Variants in TFCP2L1 observed in about 807,000 individuals in gnomAD.
TFCP2L1 encodes the protein transcription factor CP2 like 1.
Under a neutral mutation model 72.2 loss-of-function variants are expected in TFCP2L1, and 12 were observed. That is an observed-to-expected ratio of 0.17 (90% CI 0.11 to 0.27). The LOEUF (loss-of-function observed/expected upper bound fraction) is 0.27, where lower values mean the gene tolerates loss of function less well. Ranked by LOEUF, TFCP2L1 falls within the 10% of genes least tolerant of loss-of-function variation. TFCP2L1 has a pLI of 1.00. For synonymous variants in TFCP2L1, 260 were observed against 251.0 expected, an observed-to-expected ratio of 1.04 and a Z score of -0.34; for missense variants, 488 against 624.6, an observed-to-expected ratio of 0.78 and a Z score of 2.33.
chr2:121,228,727 G>A (rs1381487051), intron 13 of TFCP2L1, among the ~76,000 whole-genome samples: 2 of 137,156 alleles, frequency 1.5e-5, no homozygotes, highest in Non-Finnish European at 3.1e-5. Context: ...GCTGTGACTG[G>A]GCCACTGCAC....
At chr2:121,280,637 T>C (rs1191024637) in intron 2 of TFCP2L1, among the ~76,000 whole-genome samples, 1 of 151,886 alleles carries the variant, frequency 6.6e-6, no homozygotes, top group Admixed American at 6.6e-5. Flanking sequence ...GGTCTACACC[T>C]GTGATCCCAG....
chr2:121,239,718 A>G (rs1379967302), intron 7 of TFCP2L1, 69 bp from the exon 8 acceptor site: 5 of 1,465,496 alleles, frequency 3.4e-6, no homozygotes, highest in Non-Finnish European at 4.7e-6. Flanking sequence ...AGGTCCTCCC[A>G]AGCAGGCATG....
At chr2:121,284,846 C>T (rs1687334301) in intron 1 of TFCP2L1, among the ~76,000 whole-genome samples, 1 of 152,138 alleles carries the variant, frequency 6.6e-6, no homozygotes, top group Non-Finnish European at 1.5e-5. Context: ...CCAGCGGGCC[C>T]CCAACTCCGC....
intron 2 of TFCP2L1, among the ~76,000 whole-genome samples, chr2:121,269,918 A>AAAAAAAAAT: frequency 6.1e-5 from 7 of 115,176 alleles, no homozygotes; most frequent in South Asian, 3.1e-4. Flanking sequence ...AAAAAAAAAA[A>AAAAAAAAAT]ATATATATAT....
At chr2:121,246,618 C>G (rs948277217) in intron 6 of TFCP2L1, among the ~76,000 whole-genome samples, 200 bp downstream of exon 6, 1 of 152,196 alleles carries the variant, frequency 6.6e-6, no homozygotes, top group Non-Finnish European at 1.5e-5. Context: ...TGAAAAGATG[C>G]CCCCAGCAGG....
At chr2:121,242,328 G>C (rs772006634) in intron 7 of TFCP2L1, 31 bp downstream of exon 7, 4 of 1,591,408 alleles carry the variant, frequency 2.5e-6, no homozygotes, top group Non-Finnish European at 3.4e-6. Context: ...AAGACCCTTG[G>C]AGGCTCTGTC....
chr2:121,231,726 T>A, intron 13 of TFCP2L1, 100 bp downstream of exon 13: 1 of 1,514,344 alleles, frequency 6.6e-7, no homozygotes. Context: ...TGAACCTGTC[T>A]GTCACTCCCA....
chr2:121,225,569 T>C lies in TFCP2L1; in HGVS notation c.1386A>G (p.Thr462=). Residue 462 remains threonine (T), a synonymous_variant, in exon 14 of 15, where the codon ACA becomes ACG. Coordinates refer to ENST00000263707, the MANE Select transcript of TFCP2L1 (RefSeq NM_014553.3). ...GGGAGGGGGAGGCTTCACCTTTAAT[T>C]GTGCTGAGGACAAAACAGGATTCAT... ...FQDESCFVLS[T]IKAESNDGYH... The C allele has an allele frequency of 6.2e-7, 1 of 1,614,118 alleles. No homozygotes were observed. Among genetic ancestry groups the C allele is most frequent in the Non-Finnish European group, 8.5e-7 (1 of 1,180,036 alleles).
At chr2:121,284,881 C>G (rs1432688296) in intron 1 of TFCP2L1, among the ~76,000 whole-genome samples, 167 bp downstream of exon 1, 2 of 152,124 alleles carry the variant, frequency 1.3e-5, no homozygotes, top group African/African-American at 2.4e-5. Flanking sequence ...CGGCGTCCAT[C>G]TGTCAGTCCC....
chr2:121,232,844 C>A (rs10167951), intron 12 of TFCP2L1, among the ~76,000 whole-genome samples: 7 of 152,056 alleles, frequency 4.6e-5, no homozygotes, highest in Non-Finnish European at 2.9e-5. Context: ...GACACAGAGA[C>A]GGCCTGCACC....
In TFCP2L1 at chr2:121,285,159, CG is replaced by C; in HGVS notation, c.-51del. 2.8e-6 allele frequency: 4 copies of C among 1,410,640 alleles called. No homozygotes were observed. Among genetic ancestry groups the C allele is most frequent in the Non-Finnish European group, 1.9e-6 (2 of 1,078,050 alleles). The allele number at this position is 1,410,640 out of a possible 1,614,324, so 87.4% of individuals were successfully genotyped here. On this transcript the variant is annotated 5_prime_UTR_variant, in exon 1 of 15. Transcript: ENST00000263707. ...CGGGGCGCGGCAGCAAGCGCAGACG[CG>C]GGGCGCGCCGAGGACCCAGCGGCGG...
Position 121,237,810 on chromosome 2 carries a change from C to A in TFCP2L1, c.901G>T (p.Gly301Cys), listed in dbSNP as rs200856375. Residue 301 changes from glycine to cysteine, a missense_variant, in exon 9 of 15, where the codon GGC (glycine) becomes TGC (cysteine). Transcript: ENST00000263707. Reference sequence around the variant, plus strand: ...CCTGCTCAGACACTTACGTCACTGCCCACGGGCAGGGCCTCCACCGGGTGG... The same window carrying A: ...CCTGCTCAGACACTTACGTCACTGCACACGGGCAGGGCCTCCACCGGGTGG... ...PTHPVEALPV[G>C]SDHLLPSASI... The A allele has an allele frequency of 6.2e-7, 1 of 1,614,098 alleles. No individual in the cohort carries two copies. Among genetic ancestry groups the A allele is most frequent in the East Asian group, 2.2e-5 (1 of 44,868 alleles).
intron 12 of TFCP2L1, among the ~76,000 whole-genome samples, chr2:121,233,201 T>C (rs1233844053): frequency 1.3e-5 from 2 of 152,024 alleles, no homozygotes; most frequent in Non-Finnish European, 2.9e-5. Context: ...CACTTTTCTT[T>C]TTTTTTCCTG....
At chr2:121,245,384 GCA>G (rs1052453199) in intron 6 of TFCP2L1, among the ~76,000 whole-genome samples, 2 of 152,168 alleles carry the variant, frequency 1.3e-5, no homozygotes, top group Admixed American at 1.3e-4. Flanking sequence ...GATAATAAAT[GCA>G]CAGAGTTTTT....
intron 2 of TFCP2L1, among the ~76,000 whole-genome samples, chr2:121,278,138 G>A (rs916592940): frequency 2.0e-5 from 3 of 147,358 alleles, no homozygotes; most frequent in South Asian, 2.1e-4. Context: ...CCGGGTTCAC[G>A]CCATTCTCCT....
At chr2:121,247,400 A>G (rs1686511194) in intron 5 of TFCP2L1, among the ~76,000 whole-genome samples, 2 of 152,150 alleles carry the variant, frequency 1.3e-5, no homozygotes, top group Admixed American at 1.3e-4. Context: ...GAAGGCTGGA[A>G]CCATTTCTGT....
intron 2 of TFCP2L1, among the ~76,000 whole-genome samples, chr2:121,258,321 C>G (rs748291623): frequency 1.6e-4 from 25 of 152,178 alleles, no homozygotes; most frequent in Non-Finnish European, 3.5e-4. Context: ...AAGCGCCCAG[C>G]CACCCCATCA....
intron 2 of TFCP2L1, among the ~76,000 whole-genome samples, chr2:121,271,937 C>T (rs1428255746): frequency 4.6e-5 from 7 of 151,956 alleles, no homozygotes; most frequent in Non-Finnish European, 1.5e-5. Flanking sequence ...ACGTTTTTTT[C>T]CTCTCCAAGG....
intron 2 of TFCP2L1, among the ~76,000 whole-genome samples, chr2:121,265,694 G>A (rs1425732962): frequency 6.6e-6 from 1 of 151,982 alleles, no homozygotes; most frequent in East Asian, 1.9e-4. Context: ...ATGTTAGCCA[G>A]GCTGGTCTCG....
Sources: gnomAD v4.1 joint callset for allele counts (sites outside exome capture counted in the v4.1 genomes callset) on GRCh38, gnomAD v4.1.1 for gene constraint, MANE v1.5 for transcripts, NCBI Gene and HGNC (gene_info 2026-07-23, HGNC 2026-07-21) for gene names.